The following G3BP1 variants were observed in gnomAD, a reference collection of about 807,000 sequenced individuals.
G3BP1 encodes G3BP stress granule assembly factor 1.
Under a neutral mutation model 58.6 loss-of-function variants are expected in G3BP1, and 35 were observed. That is an observed-to-expected ratio of 0.60 (90% confidence interval 0.46 to 0.79). G3BP1 has a LOEUF of 0.79. Among genes scored for constraint, G3BP1 ranks in the 30% least tolerant of loss-of-function variants. G3BP1 has a pLI of 0.00. For missense variants in G3BP1, 523 were observed against 580.8 expected, an observed-to-expected ratio of 0.90 and a Z score of 1.02; for synonymous variants, 191 against 195.4, an observed-to-expected ratio of 0.98 and a Z score of 0.19.
intron 11 of G3BP1, among the ~76,000 whole-genome samples, chr5:151,802,339 A>G (rs1356174188): frequency 6.6e-6 from 1 of 152,218 alleles, no homozygotes; most frequent in African/African-American, 2.4e-5. Context: ...TATTAGGCCT[A>G]GTGGCCACCC....
rs1763034316 is a variant in G3BP1 at position 151,812,726 on chromosome 5, C to T, written c.*8635C>T. 1 of 152,216 alleles carries T rather than the reference C, an allele frequency of 6.6e-6. No homozygotes were observed. The highest frequency in any genetic ancestry group is 6.5e-5 in the Admixed American group (1 of 15,282). The allele number at this position is 152,216 out of a possible 1,614,324, so 9.4% of individuals were successfully genotyped here. On this transcript the variant is annotated 3_prime_UTR_variant, in exon 12 of 12. Transcript: ENST00000356245. Reference sequence around the variant, plus strand: ...GAGTGTATAAATAAAATAACCCCTTCCTCCAGTGACTGTGCATTTATTTTG... The same window carrying T: ...GAGTGTATAAATAAAATAACCCCTTTCTCCAGTGACTGTGCATTTATTTTG...
rs1241716649 is a variant in G3BP1 at position 151,802,099 on chromosome 5, G to A, written c.1194+1230G>A. Among the ~76,000 whole-genome samples, 52 of 152,186 alleles carry A rather than the reference G, an allele frequency of 3.4e-4. 1 individual carries two copies. The highest frequency in any genetic ancestry group is 3.3e-3 in the Admixed American group (51 of 15,288). On this transcript the variant is annotated intron_variant, in intron 11 of 11. Coordinates refer to ENST00000356245, the MANE Select transcript of G3BP1 (RefSeq NM_005754.3). ...CCCAAAGTGCTGGGATTATAGGTGC[G>A]AGCCAATGCACCTGGCCTTACTGCA...
At chr5:151,790,438 C>CA in intron 3 of G3BP1, 34 bp downstream of exon 3, 1 of 1,206,222 alleles carries the variant, frequency 8.3e-7, no homozygotes, top group Non-Finnish European at 1.2e-6. Flanking sequence ...GGCTGTTAAG[C>CA]AGGTAGAAAA....
In G3BP1 at chr5:151,797,329, G is replaced by C; in HGVS notation, c.642G>C (p.Lys214Asn). ...QEPVSEIQEE[K>N]PEPVLEETAP... is the part of the protein sequence containing the mutation. ...CTGTATCTGAAATCCAAGAGGAAAAGCCTGAGCCAGTATTAGAAGAAACTG... is the reference window on the plus strand; with the variant it reads ...CTGTATCTGAAATCCAAGAGGAAAACCCTGAGCCAGTATTAGAAGAAACTG... Residue 214 changes from lysine to asparagine, a missense_variant, in exon 7 of 12, where the codon AAG becomes AAC. Transcript: ENST00000356245. The C allele has an allele frequency of 6.2e-7, 1 of 1,614,088 alleles. No homozygotes were observed. Among genetic ancestry groups the C allele is most frequent in the Non-Finnish European group, 8.5e-7 (1 of 1,179,956 alleles).
At position 151,800,888 on chromosome 5, in the gene G3BP1, T is replaced by C; in HGVS notation, c.1194+19T>C. 8.1e-7 allele frequency: 1 copy of C among 1,234,864 alleles called. No individual in the cohort carries two copies. 76.5% of individuals were successfully genotyped at this position (1,234,864 alleles called of 1,614,324 possible). On this transcript the variant is annotated intron_variant, in intron 11 of 11. Transcript: ENST00000356245. ...CAACAGGGTAAGCAGCTTTTTGTCTTGATTTTTTTTTTTTTTTTTTAAAAA... is the reference window on the plus strand; with the variant it reads ...CAACAGGGTAAGCAGCTTTTTGTCTCGATTTTTTTTTTTTTTTTTTAAAAA...
intron 1 of G3BP1, among the ~76,000 whole-genome samples, chr5:151,785,193 T>A (rs1377663935): frequency 1.3e-5 from 2 of 152,214 alleles, no homozygotes; most frequent in African/African-American, 2.4e-5. Context: ...GGATCTAGAT[T>A]GTTACTGATA....
rs2113263216 is a variant in G3BP1 at position 151,810,359 on chromosome 5, T to C, written c.*6268T>C. The C allele has an allele frequency of 6.6e-6, 1 of 152,344 alleles. No homozygotes were observed. Among genetic ancestry groups the C allele is most frequent in the South Asian group, 2.1e-4 (1 of 4,832 alleles). 9.4% of individuals were successfully genotyped at this position (152,344 alleles called of 1,614,324 possible). On this transcript the variant is annotated 3_prime_UTR_variant, in exon 12 of 12. Transcript: ENST00000356245. Reference sequence around the variant, plus strand: ...TTTTTTAAAAGATCAGTACAAGAGCTATATTTTTTCCTAAGAAAAAATTTC... The same window carrying C: ...TTTTTTAAAAGATCAGTACAAGAGCCATATTTTTTCCTAAGAAAAAATTTC...
At chr5:151,775,823 AGTTG>A (rs1378647478) in intron 1 of G3BP1, among the ~76,000 whole-genome samples, 1 of 152,244 alleles carries the variant, frequency 6.6e-6, no homozygotes, top group African/African-American at 2.4e-5. Flanking sequence ...GATAAAAGAT[AGTTG>A]TTAAGTATTC....
rs969239985 is a variant in G3BP1 at position 151,807,603 on chromosome 5, C to A, written c.*3512C>A. On this transcript the variant is annotated 3_prime_UTR_variant, in exon 12 of 12. Transcript: ENST00000356245. The stretch of plus-strand genomic sequence containing the variant: ...AGGTTTGATAATTTAATGCAAACTT[C>A]AAATCTGGATGTGAATAATAATATT... 1.3e-5 allele frequency: 2 copies of A among 152,064 alleles called. No individual in the cohort carries two copies. The highest frequency in any genetic ancestry group is 2.4e-5 in the African/African-American group (1 of 41,402). 9.4% of individuals were successfully genotyped at this position (152,064 alleles called of 1,614,324 possible).
chr5:151,786,279 T>A (rs1762554065), intron 1 of G3BP1, among the ~76,000 whole-genome samples: 1 of 152,124 alleles, frequency 6.6e-6, no homozygotes, highest in Non-Finnish European at 1.5e-5. Context: ...ACAGAGAGAC[T>A]CTGTCTCAAA....
In G3BP1 at chr5:151,791,510, C is replaced by T. The variant is rs540348048; in HGVS notation, c.351+448C>T. 186 of 158,840 alleles carry T rather than the reference C, an allele frequency of 1.2e-3. 1 individual carries two copies. Among genetic ancestry groups the T allele is most frequent in the Admixed American group, 4.4e-3 (73 of 16,762 alleles). The allele number at this position is 158,840 out of a possible 1,614,324, so 9.8% of individuals were successfully genotyped here. ...CTTAATCTTTTGTTTTTTTTTATTG[C>T]ATTGACATTTTTGAAGAGCACACTT... On this transcript the variant is annotated intron_variant, in intron 4 of 11. Transcript: ENST00000356245.
At position 151,806,019 on chromosome 5, in the gene G3BP1, A is replaced by G. The variant is rs1259837458; in HGVS notation, c.*1928A>G. ...ATGCAGCAATCCTCAGCTTGGTGTT[A>G]TCACATACTAGAGGACATTTGGAAA... On this transcript the variant is annotated 3_prime_UTR_variant, in exon 12 of 12. Transcript: ENST00000356245. 1 of 152,208 alleles carries G rather than the reference A, an allele frequency of 6.6e-6. No homozygotes were observed. The highest frequency in any genetic ancestry group is 1.5e-5 in the Non-Finnish European group (1 of 68,042). The allele number at this position is 152,208 out of a possible 1,614,324, so 9.4% of individuals were successfully genotyped here. A position where few individuals can be genotyped will look rare whatever the true frequency, so the allele number is the denominator to read the frequency against.
At chr5:151,773,368 A>G (rs151139024) in intron 1 of G3BP1, among the ~76,000 whole-genome samples, 1 of 152,142 alleles carries the variant, frequency 6.6e-6, no homozygotes, top group African/African-American at 2.4e-5. Context: ...ATGCTGGATG[A>G]ATTACTGGTG....
rs1411382077 is a variant in G3BP1 at position 151,778,398 on chromosome 5, C to CT, written c.-50+6365dup. ...TCATATAATTTCTTTGGCGAAATAT[C>CT]TTTAAGTCTTTTGCTCATATTTTAT... On this transcript the variant is annotated intron_variant, in intron 1 of 11. Coordinates refer to ENST00000356245, the MANE Select transcript of G3BP1 (RefSeq NM_005754.3). Among the ~76,000 whole-genome samples the CT allele has an allele frequency of 1.2e-4, 18 of 152,258 alleles. No homozygotes were observed. The East Asian group carries it at 2.7e-3, about 23-fold the overall frequency.
chr5:151,772,894 C>T (rs539207743), intron 1 of G3BP1, among the ~76,000 whole-genome samples: 32 of 152,346 alleles, frequency 2.1e-4, no homozygotes, highest in Non-Finnish European at 3.5e-4. Flanking sequence ...GGCATTTGTA[C>T]TTGGGCTAGT....
chr5:151,795,439 A>G, intron 5 of G3BP1, 40 bp from the exon 6 acceptor site: 1 of 1,011,584 alleles, frequency 9.9e-7, no homozygotes, highest in Non-Finnish European at 1.5e-6. Context: ...ATGTGAATTC[A>G]GTAAGTACAA....
At chr5:151,779,566 A>G (rs35901401) in intron 1 of G3BP1, among the ~76,000 whole-genome samples, 1 of 152,198 alleles carries the variant, frequency 6.6e-6, no homozygotes, top group Non-Finnish European at 1.5e-5. Context: ...GTATTTGTGT[A>G]TACTAAAAAC....
In G3BP1 at chr5:151,786,733, T is replaced by A; in HGVS notation, c.95+18T>A. ...CTGCATAGGTAAGACATTTTTCTCC[T>A]GCATCATCTAATGCTGTCTTTTAGT... On this transcript the variant is annotated intron_variant, in intron 2 of 11. Coordinates refer to ENST00000356245, the MANE Select transcript of G3BP1 (RefSeq NM_005754.3). 7.2e-7 allele frequency: 1 copy of A among 1,380,420 alleles called. No homozygotes were observed. Among genetic ancestry groups the A allele is most frequent in the Non-Finnish European group, 1.0e-6 (1 of 966,488 alleles). The allele number at this position is 1,380,420 out of a possible 1,614,324, so 85.5% of individuals were successfully genotyped here. A position where few individuals can be genotyped will look rare whatever the true frequency, so the allele number is the denominator to read the frequency against.
chr5:151,781,419 A>G (rs1224702610), intron 1 of G3BP1, among the ~76,000 whole-genome samples: 3 of 152,348 alleles, frequency 2.0e-5, no homozygotes, highest in South Asian at 2.1e-4. Context: ...GTGTGATGCT[A>G]ATCATCTTTA....
Sources: gnomAD v4.1 joint callset for allele counts (sites outside exome capture counted in the v4.1 genomes callset) on GRCh38, gnomAD v4.1.1 for gene constraint, MANE v1.5 for transcripts, NCBI Gene and HGNC (gene_info 2026-07-23, HGNC 2026-07-21) for gene names.